Variants in CD300LD observed in about 807,000 individuals in gnomAD.
CD300LD encodes CD300 molecule like family member d.
Under a neutral mutation model 20.3 loss-of-function variants are expected in CD300LD, and 18 were observed. The observed-to-expected ratio is 0.89, with a 90% CI of 0.61 to 1.32. The LOEUF (loss-of-function observed/expected upper bound fraction) is 1.32, where lower values mean the gene tolerates loss of function less well. Among genes scored for constraint, CD300LD ranks in the 40% most tolerant of loss-of-function variants. The pLI is 0.00. For synonymous variants in CD300LD, 104 were observed against 90.1 expected (o/e 1.15, Z -0.87); for missense variants, 195 against 226.6 (o/e 0.86, Z 0.90).
Position 74,580,077 on chromosome 17 carries a change from G to A in CD300LD, c.510C>T (p.Phe170=). ...PLKSTHFLFL[F]LLELPLLLSM... ...TCAGGAGCAGAGGCAGCTCCAGGAG[G>A]AACAGGAACAGGAAGTGGGTGCTCT... Residue 170 remains phenylalanine, a synonymous_variant, in exon 4 of 4, where the codon TTC becomes TTT. Transcript: ENST00000375352. 1 of 1,613,060 alleles carries A rather than the reference G, an allele frequency of 6.2e-7. No individual in the cohort carries two copies. Among genetic ancestry groups the A allele is most frequent in the Non-Finnish European group, 8.5e-7 (1 of 1,179,444 alleles).
downstream of CD300LD, among the ~76,000 whole-genome samples, chr17:74,579,206 A>G (rs897956951): frequency 6.6e-5 from 10 of 152,174 alleles, no homozygotes; most frequent in Non-Finnish European, 1.0e-4. Flanking sequence ...TTCTGTACTC[A>G]TCTTCCCTTA....
intron 1 of CD300LD, among the ~76,000 whole-genome samples, chr17:74,590,054 T>C (rs757028514): frequency 6.6e-6 from 1 of 152,228 alleles, no homozygotes; most frequent in Non-Finnish European, 1.5e-5. Context: ...TCATCTTGAA[T>C]TGTAGCTCCC....
chr17:74,585,026 T>G (rs1236855168), intron 2 of CD300LD: 1 of 152,194 alleles, frequency 6.6e-6, no homozygotes, highest in Non-Finnish European at 1.5e-5. Context: ...ATGGGAAGTT[T>G]TCTGAATAAG....
intron 1 of CD300LD, chr17:74,591,905 A>G (rs2030328334): frequency 3.5e-6 from 3 of 865,578 alleles, no homozygotes; most frequent in Non-Finnish European, 5.1e-6. Flanking sequence ...ATCTGTTTAT[A>G]TGGAACAGTC....
chr17:74,584,678 G>C (rs2030114603), intron 2 of CD300LD: 3 of 152,250 alleles, frequency 2.0e-5, no homozygotes, highest in Admixed American at 2.0e-4. Context: ...TAGAAGCTCA[G>C]GGCCCTTGTT....
intron 3 of CD300LD, among the ~76,000 whole-genome samples, chr17:74,581,277 A>T (rs1157548423): frequency 6.7e-6 from 1 of 149,936 alleles, no homozygotes; most frequent in Admixed American, 6.6e-5. Flanking sequence ...AAAAAAAAAC[A>T]GAGTTGAACT....
At chr17:74,588,463 G>C in intron 2 of CD300LD, 48 bp downstream of exon 2, 1 of 1,284,410 alleles carries the variant, frequency 7.8e-7, no homozygotes, top group Non-Finnish European at 1.1e-6. Context: ...CAGGGACCAG[G>C]ACAGAGCAGG....
intron 2 of CD300LD, among the ~76,000 whole-genome samples, chr17:74,586,255 C>A (rs2030156191): frequency 6.6e-6 from 1 of 152,166 alleles, no homozygotes; most frequent in African/African-American, 2.4e-5. Flanking sequence ...ACAATGTTGG[C>A]TCAAGCAATG....
In CD300LD at chr17:74,580,128, T is replaced by C; in HGVS notation, c.474-15A>G. On this transcript the variant is annotated splice_polypyrimidine_tract_variant and intron_variant, in intron 3 of 3. Coordinates refer to ENST00000375352, the MANE Select transcript of CD300LD (RefSeq NM_001115152.2). Reference sequence around the variant, plus strand: ...TGAGCGGGGACCTGTGGGAACACGGTGACAGGAAATGAGCTGCCTCCTGGG... The same window carrying C: ...TGAGCGGGGACCTGTGGGAACACGGCGACAGGAAATGAGCTGCCTCCTGGG... 2 of 1,550,936 alleles carry C rather than the reference T, an allele frequency of 1.3e-6. No homozygotes were observed. The highest frequency in any genetic ancestry group is 1.8e-6 in the Non-Finnish European group (2 of 1,129,772).
At chr17:74,580,551 C>T (rs1253961503) in intron 3 of CD300LD, among the ~76,000 whole-genome samples, 1 of 152,188 alleles carries the variant, frequency 6.6e-6, no homozygotes, top group Non-Finnish European at 1.5e-5. Context: ...GGAGGCTGAC[C>T]TTGCTCTGAC....
In CD300LD at chr17:74,580,104, G is replaced by A; in HGVS notation, c.483C>T (p.Leu161=). 6.2e-7 allele frequency: 1 copy of A among 1,609,926 alleles called. No homozygotes were observed. Among genetic ancestry groups the A allele is most frequent in the South Asian group, 1.1e-5 (1 of 90,372 alleles). The change falls in exon 4 of 4, where the codon CTC becomes CTT. Residue 161 remains leucine, a synonymous_variant. Coordinates refer to ENST00000375352, the MANE Select transcript of CD300LD (RefSeq NM_001115152.2). ...ACAGGAACAGGAAGTGGGTGCTCTTGAGCGGGGACCTGTGGGAACACGGTG... is the reference window on the plus strand; with the variant it reads ...ACAGGAACAGGAAGTGGGTGCTCTTAAGCGGGGACCTGTGGGAACACGGTG... ...KTSSPLTRSP[L]KSTHFLFLFL...
intron 2 of CD300LD, among the ~76,000 whole-genome samples, chr17:74,582,797 A>G (rs374216958): frequency 8.7e-4 from 132 of 151,880 alleles, no homozygotes; most frequent in African/African-American, 2.9e-3. Context: ...CAGCTTCCCA[A>G]TCTCACCCTC....
intron 2 of CD300LD, among the ~76,000 whole-genome samples, chr17:74,583,443 G>C (rs1389013426): frequency 6.6e-6 from 1 of 152,178 alleles, no homozygotes; most frequent in Non-Finnish European, 1.5e-5. Context: ...GAGGCCTCAG[G>C]CTCAACTGAA....
At chr17:74,584,006 AGCCTTAACAAAGT>A (rs150758354) in intron 2 of CD300LD, among the ~76,000 whole-genome samples, 2,359 of 152,110 alleles carry the variant, frequency 0.016, 42 homozygotes, top group East Asian at 0.076. Flanking sequence ...CACCTGCCTC[AGCCTTAACAAAGT>A]GCTGGGATTA....
At chr17:74,582,073 A>T in intron 3 of CD300LD, 145 bp downstream of exon 3, 1 of 584,346 alleles carries the variant, frequency 1.7e-6, no homozygotes, top group Non-Finnish European at 3.0e-6. Flanking sequence ...AATAGTTGGG[A>T]TATACTTATG....
chr17:74,585,105 A>G (rs1279459563), intron 2 of CD300LD: 1 of 152,216 alleles, frequency 6.6e-6, no homozygotes, highest in Non-Finnish European at 1.5e-5. Context: ...TTTTACTTAA[A>G]CAAACTGGTG....
At chr17:74,591,259 A>ATAAAAT (rs1284859773) in intron 1 of CD300LD, among the ~76,000 whole-genome samples, 22 of 112,818 alleles carry the variant, frequency 2.0e-4, no homozygotes, top group African/African-American at 6.1e-4. Flanking sequence ...ACAAAAAAAA[A>ATAAAAT]AAAAATAAAA....
At chr17:74,588,913 A>G (rs1287939562) in intron 1 of CD300LD, 64 bp from the exon 2 acceptor site, 2 of 1,204,378 alleles carry the variant, frequency 1.7e-6, no homozygotes, top group Non-Finnish European at 1.2e-6. Flanking sequence ...AGCCTCGTGC[A>G]TTGGGAGTAG....
At chr17:74,590,012 T>A (rs977522301) in intron 1 of CD300LD, among the ~76,000 whole-genome samples, 1 of 152,220 alleles carries the variant, frequency 6.6e-6, no homozygotes, top group African/African-American at 2.4e-5. Flanking sequence ...CCTCTCTGTG[T>A]GATACGGTTT....
Sources: gnomAD v4.1 joint callset for allele counts (sites outside exome capture counted in the v4.1 genomes callset) on GRCh38, gnomAD v4.1.1 for gene constraint, MANE v1.5 for transcripts, NCBI Gene and HGNC (gene_info 2026-07-23, HGNC 2026-07-21) for gene names.